METTL15: variants seen among roughly 807,000 people sequenced by gnomAD.
The protein encoded by METTL15 is methyltransferase 15, mitochondrial 12S rRNA N4-cytidine.
A neutral mutation model predicts 38.3 loss-of-function variants in METTL15; 34 were observed. That is an observed-to-expected ratio of 0.89 (90% CI 0.68 to 1.18). METTL15 has a LOEUF of 1.18. Among genes scored for constraint, METTL15 ranks in the 50% most tolerant of loss-of-function variants. METTL15 has a pLI of 0.00. For missense variants in METTL15, 438 were observed against 498.4 expected (o/e 0.88, Z 1.15); for synonymous variants, 162 against 170.9 (o/e 0.95, Z 0.41).
intron 5 of METTL15, among the ~76,000 whole-genome samples, chr11:28,364,896 G>C (rs1342262441): frequency 6.6e-6 from 1 of 152,148 alleles, no homozygotes; most frequent in East Asian, 1.9e-4. Flanking sequence ...AGGAAAGCTG[G>C]ATTTTAAAGA....
At chr11:28,278,794 T>C (rs1168558297) in intron 4 of METTL15, among the ~76,000 whole-genome samples, 2 of 152,162 alleles carry the variant, frequency 1.3e-5, no homozygotes, top group Non-Finnish European at 2.9e-5. Context: ...TTCATTACTT[T>C]GTTGTTTTAT....
intron 4 of METTL15, among the ~76,000 whole-genome samples, chr11:28,228,757 A>G (rs1001166512): frequency 1.3e-5 from 2 of 151,982 alleles, no homozygotes; most frequent in East Asian, 1.9e-4. Context: ...CATTGAAGAC[A>G]AAAACTATGT....
chr11:28,123,441 C>G (rs1852335975), intron 3 of METTL15, among the ~76,000 whole-genome samples: 1 of 152,048 alleles, frequency 6.6e-6, no homozygotes. Context: ...AAGTAGCATA[C>G]GTAAAATGTT....
At chr11:28,281,603 C>T (rs1856059273) in intron 4 of METTL15, among the ~76,000 whole-genome samples, 1 of 152,178 alleles carries the variant, frequency 6.6e-6, no homozygotes, top group African/African-American at 2.4e-5. Flanking sequence ...TCAAGTTAAA[C>T]TGCTGTAAAC....
chr11:28,303,183 G>A (rs1856969466), intron 6 of METTL15, among the ~76,000 whole-genome samples: 1 of 152,090 alleles, frequency 6.6e-6, no homozygotes, highest in Admixed American at 6.6e-5. Flanking sequence ...CCAGTTAAAT[G>A]CTAACTAGTT....
chr11:28,133,402 A>C (rs1849403213), intron 3 of METTL15, among the ~76,000 whole-genome samples: 1 of 152,160 alleles, frequency 6.6e-6, no homozygotes, highest in Admixed American at 6.6e-5. Flanking sequence ...CAATTGAGGA[A>C]GATTTTGAAA....
intron 5 of METTL15, among the ~76,000 whole-genome samples, chr11:28,371,407 C>A (rs1393106615): frequency 2.6e-5 from 4 of 151,956 alleles, no homozygotes; most frequent in Non-Finnish European, 5.9e-5. Context: ...TATTCCAGTA[C>A]CATGCTTATT....
At chr11:28,208,735 G>T (rs1185480442) in intron 3 of METTL15, among the ~76,000 whole-genome samples, 1 of 151,882 alleles carries the variant, frequency 6.6e-6, no homozygotes, top group African/African-American at 2.4e-5. Flanking sequence ...TTATTATTCA[G>T]TTGCTTTTTT....
intron 6 of METTL15, among the ~76,000 whole-genome samples, chr11:28,469,201 G>A (rs1346691100): frequency 6.6e-6 from 1 of 152,026 alleles, no homozygotes; most frequent in African/African-American, 2.4e-5. Flanking sequence ...CTTCCATCTT[G>A]GAGTCTCTAG....
At chr11:28,214,712 T>C (rs1852789899) in intron 4 of METTL15, among the ~76,000 whole-genome samples, 1 of 152,212 alleles carries the variant, frequency 6.6e-6, no homozygotes, top group South Asian at 2.1e-4. Flanking sequence ...TTTCTATAAA[T>C]AGTATTTCTC....
chr11:28,403,661 G>A (rs1387589308), intron 5 of METTL15, among the ~76,000 whole-genome samples: 1 of 151,958 alleles, frequency 6.6e-6, no homozygotes. Context: ...CACACACAAT[G>A]AACCATGTCA....
At chr11:28,303,386 A>C (rs1213541846) in intron 6 of METTL15, among the ~76,000 whole-genome samples, 1 of 152,208 alleles carries the variant, frequency 6.6e-6, no homozygotes, top group Non-Finnish European at 1.5e-5. Flanking sequence ...ATTCACTTGT[A>C]GTCTCAGAGC....
At chr11:28,423,465 CA>C (rs1850838735) in intron 5 of METTL15, among the ~76,000 whole-genome samples, 3 of 152,086 alleles carry the variant, frequency 2.0e-5, no homozygotes, top group Admixed American at 1.3e-4. Flanking sequence ...TGTCCATCAA[CA>C]GACAAATGAA....
chr11:28,327,672 T>A (rs1331596183), intron 6 of METTL15: 1 of 154,568 alleles, frequency 6.5e-6, no homozygotes, highest in Non-Finnish European at 1.4e-5. Flanking sequence ...CACAGGAAGG[T>A]GCTATTTTAG....
intron 5 of METTL15, among the ~76,000 whole-genome samples, chr11:28,415,100 A>G (rs1037019513): frequency 1.3e-5 from 2 of 152,242 alleles, no homozygotes; most frequent in African/African-American, 4.8e-5. Flanking sequence ...GATGAAATAT[A>G]TGATTAAATC....
chr11:28,145,696 A>G (rs1353771678), intron 3 of METTL15: 1 of 152,104 alleles, frequency 6.6e-6, no homozygotes, highest in Non-Finnish European at 1.5e-5. Context: ...AATTATTAAT[A>G]TAATTGCTTA....
At chr11:28,152,045 G>C (rs890670075) in intron 3 of METTL15, among the ~76,000 whole-genome samples, 4 of 152,014 alleles carry the variant, frequency 2.6e-5, no homozygotes, top group Non-Finnish European at 5.9e-5. Flanking sequence ...ACACTAGTTA[G>C]TGGATCTTGT....
At chr11:28,409,704 A>G (rs1211662817) in intron 5 of METTL15, among the ~76,000 whole-genome samples, 1 of 152,136 alleles carries the variant, frequency 6.6e-6, no homozygotes, top group Non-Finnish European at 1.5e-5. Context: ...AAATTGTCTT[A>G]TGTTACACTT....
chr11:28,293,377 G>A (rs1265036404), intron 5 of METTL15, among the ~76,000 whole-genome samples: 8 of 152,148 alleles, frequency 5.3e-5, no homozygotes, highest in East Asian at 3.9e-4. Flanking sequence ...GATATGCGGC[G>A]TTATTTCTGA....
Sources: allele counts gnomAD v4.1 joint callset (sites outside exome capture counted in the v4.1 genomes callset), GRCh38; gene constraint gnomAD v4.1.1; transcripts MANE v1.5; gene names NCBI Gene and HGNC (gene_info 2026-07-23, HGNC 2026-07-21).